Variants in GLIS3 observed in about 807,000 individuals in gnomAD.
GLIS3 encodes the protein zinc finger protein GLIS3.
In GLIS3, 53 loss-of-function variants were observed where a neutral mutation model predicts 78.6. The ratio of observed to expected loss-of-function variants is 0.67; its 90% CI spans 0.54 to 0.85. GLIS3 has a LOEUF of 0.85. Ranked by LOEUF, GLIS3 falls within the 40% of genes least tolerant of loss-of-function variation. GLIS3 has a pLI of 0.00. For missense variants in GLIS3, 1,703 were observed against 1,231.1 expected (o/e 1.38, Z -5.74); for synonymous variants, 684 against 509.9 (o/e 1.34, Z -4.60).
chr9:4,479,778 C>T, the GLIS3 span, among the ~76,000 whole-genome samples: 1 of 151,966 alleles, frequency 6.6e-6, no homozygotes. Flanking sequence ...GAGCTGCTAC[C>T]CTCCTTTTTC....
intron 2 of GLIS3, among the ~76,000 whole-genome samples, chr9:4,263,573 T>C (rs1404187798): frequency 6.6e-6 from 1 of 152,138 alleles, no homozygotes; most frequent in Non-Finnish European, 1.5e-5. Flanking sequence ...CATCCATTCA[T>C]TCTACAGATG....
At chr9:4,143,821 G>A (rs10117493) in intron 2 of GLIS3, among the ~76,000 whole-genome samples, 58,307 of 152,112 alleles carry the variant, frequency 0.38, 11,464 homozygotes, top group South Asian at 0.41. Flanking sequence ...AGATCAGCCA[G>A]TATTTGTCTT....
chr9:4,371,600 ATC>A, the GLIS3 span, among the ~76,000 whole-genome samples: 1 of 151,828 alleles, frequency 6.6e-6, no homozygotes, highest in Non-Finnish European at 1.5e-5. Context: ...CTCCTTGCTG[ATC>A]TCTCACTGGG....
chr9:3,844,102 T>A (rs1818893749), intron 9 of GLIS3, among the ~76,000 whole-genome samples: 1 of 152,198 alleles, frequency 6.6e-6, no homozygotes, highest in Non-Finnish European at 1.5e-5. Context: ...GATTGTTTTG[T>A]AACATGTTGC....
At chr9:4,081,539 T>G (rs939276913) in intron 4 of GLIS3, among the ~76,000 whole-genome samples, 2 of 152,188 alleles carry the variant, frequency 1.3e-5, no homozygotes, top group Non-Finnish European at 2.9e-5. Context: ...CCCACGATAC[T>G]GGAACCTAAG....
chr9:3,829,292 CACAG>C lies in GLIS3; in HGVS notation c.2656+14_2656+17del. ...TGTCAGTTGACAGGATTTTCTAAGT[CACAG>C]ACAACCAACACACCTGTAATGCCCG... On this transcript the variant is annotated intron_variant, in intron 10 of 10. Coordinates refer to ENST00000381971, the MANE Select transcript of GLIS3 (RefSeq NM_001042413.2). 1 of 1,612,386 alleles carries C rather than the reference CACAG, an allele frequency of 6.2e-7. No homozygotes were observed. Among genetic ancestry groups the C allele is most frequent in the Non-Finnish European group, 8.5e-7 (1 of 1,178,712 alleles).
the GLIS3 span, among the ~76,000 whole-genome samples, chr9:4,378,755 T>A: frequency 1.3e-5 from 2 of 152,166 alleles, no homozygotes; most frequent in Non-Finnish European, 2.9e-5. Flanking sequence ...CTTGATAGCA[T>A]GTGTAGGGTA....
intron 2 of GLIS3, among the ~76,000 whole-genome samples, chr9:4,260,187 C>G (rs1452540124): frequency 1.4e-4 from 21 of 152,342 alleles, no homozygotes; most frequent in Non-Finnish European, 4.4e-5. Flanking sequence ...AATCTTAGCA[C>G]TTTGGGAGGC....
chr9:4,253,397 G>C (rs1298772399), intron 2 of GLIS3, among the ~76,000 whole-genome samples: 1 of 152,218 alleles, frequency 6.6e-6, no homozygotes, highest in Non-Finnish European at 1.5e-5. Context: ...CCGTGGCTTT[G>C]TTTACACTAT....
rs75138825 is a variant in GLIS3 at position 4,218,196 on chromosome 9, T to C, written c.388+67842A>G. On this transcript the variant is annotated intron_variant, in intron 2 of 10. Coordinates refer to ENST00000381971, the MANE Select transcript of GLIS3 (RefSeq NM_001042413.2). The stretch of plus-strand genomic sequence containing the variant: ...CCACATCGTATCAATCAGCGAGTCT[T>C]TGATGATATTTAACAAATCTATCCC... 5.0e-3 allele frequency among the ~76,000 whole-genome samples: 755 copies of C among 152,364 alleles called. 18 individuals are homozygous for C. Among genetic ancestry groups the C allele is most frequent in the East Asian group, 0.04 (207 of 5,186 alleles).
chr9:3,944,610 A>C (rs1188789499), intron 4 of GLIS3, among the ~76,000 whole-genome samples: 2 of 152,228 alleles, frequency 1.3e-5, no homozygotes, highest in African/African-American at 4.8e-5. Context: ...GATTTCATGC[A>C]ATCTGTGAAT....
chr9:4,381,175 T>C, the GLIS3 span, among the ~76,000 whole-genome samples: 2 of 152,142 alleles, frequency 1.3e-5, no homozygotes, highest in Admixed American at 1.3e-4. Flanking sequence ...GAAAATGACA[T>C]ACAATCTTCA....
At chr9:4,409,103 C>G in the GLIS3 span, among the ~76,000 whole-genome samples, 6 of 152,092 alleles carry the variant, frequency 3.9e-5, no homozygotes, top group Non-Finnish European at 8.8e-5. Flanking sequence ...ATAAACCAGT[C>G]TTGTATGGGA....
At chr9:4,251,410 T>A (rs201744814) in intron 2 of GLIS3, among the ~76,000 whole-genome samples, 1 of 150,258 alleles carries the variant, frequency 6.7e-6, no homozygotes, top group Non-Finnish European at 1.5e-5. Context: ...TCTGTTTTAT[T>A]AGAGACTAGG....
intron 4 of GLIS3, among the ~76,000 whole-genome samples, chr9:3,979,341 G>A (rs541928699): frequency 6.6e-6 from 1 of 152,154 alleles, no homozygotes; most frequent in Non-Finnish European, 1.5e-5. Context: ...AACCTTCAGT[G>A]GTGTAGCCAA....
chr9:3,840,257 A>G (rs77521733), intron 9 of GLIS3, among the ~76,000 whole-genome samples: 11,634 of 152,282 alleles, frequency 0.076, 493 homozygotes, highest in Non-Finnish European at 0.098. Context: ...TTTTTATTAC[A>G]CAACCTACTA....
At chr9:4,198,853 A>G (rs1819106484) in intron 2 of GLIS3, among the ~76,000 whole-genome samples, 2 of 152,232 alleles carry the variant, frequency 1.3e-5, no homozygotes, top group South Asian at 2.1e-4. Flanking sequence ...CATCAGTTTA[A>G]CAGCAAACTT....
At chr9:3,874,008 C>A (rs1011317619) in intron 8 of GLIS3, among the ~76,000 whole-genome samples, 1 of 152,128 alleles carries the variant, frequency 6.6e-6, no homozygotes, top group Non-Finnish European at 1.5e-5. Flanking sequence ...TCTTCCTCCC[C>A]ATTCCTGGCA....
intron 4 of GLIS3, among the ~76,000 whole-genome samples, chr9:3,951,342 A>G (rs1816661673): frequency 6.6e-6 from 1 of 152,148 alleles, no homozygotes; most frequent in Non-Finnish European, 1.5e-5. Context: ...TTTATGATCC[A>G]CAGAGCCACT....
Sources: gnomAD v4.1 joint callset for allele counts (sites outside exome capture counted in the v4.1 genomes callset) on GRCh38, gnomAD v4.1.1 for gene constraint, MANE v1.5 for transcripts, NCBI Gene and HGNC (gene_info 2026-07-23, HGNC 2026-07-21) for gene names.